LRRC40: variants seen among roughly 807,000 people sequenced by gnomAD.
LRRC40 encodes leucine rich repeat containing 40.
Under a neutral mutation model 72.8 loss-of-function variants are expected in LRRC40, and 76 were observed. That is an observed-to-expected ratio of 1.04 (90% CI 0.87 to 1.26). LRRC40 has a LOEUF of 1.26. LRRC40 is among the 50% of genes most tolerant of loss of function. LRRC40 has a pLI of 0.00. For missense variants in LRRC40, 684 were observed against 698.9 expected (o/e 0.98, Z 0.24); for synonymous variants, 243 against 254.2 (o/e 0.96, Z 0.42).
At chr1:70,186,470 G>T (rs1668361192) in intron 3 of LRRC40, among the ~76,000 whole-genome samples, 1 of 152,144 alleles carries the variant, frequency 6.6e-6, no homozygotes, top group South Asian at 2.1e-4. Flanking sequence ...CACCAAATAA[G>T]GAGTGTTACT....
In LRRC40 at chr1:70,205,389, C is replaced by CG. The variant is rs777781476; in HGVS notation, c.151_151+1insC (p.Val51AlafsTer14). On this transcript the variant is annotated frameshift_variant and splice_region_variant. Coordinates refer to ENST00000370952, the MANE Select transcript of LRRC40 (RefSeq NM_017768.5). LOFTEE classifies it high-confidence loss of function. ...AATAGGGTCGTACCTCTGGGTCTTA[C>CG]CTTCACTGAGGTTTCTACCCGACAG... The CG allele has an allele frequency of 6.3e-7, 1 of 1,585,070 alleles. No individual in the cohort carries two copies. Among genetic ancestry groups the CG allele is most frequent in the South Asian group, 1.1e-5 (1 of 88,300 alleles).
intron 9 of LRRC40, among the ~76,000 whole-genome samples, chr1:70,172,744 T>C (rs1668024417): frequency 1.3e-5 from 2 of 152,162 alleles, no homozygotes; most frequent in Admixed American, 6.5e-5. Context: ...ACAATTATCT[T>C]ACTCATTTAA....
intron 4 of LRRC40, among the ~76,000 whole-genome samples, chr1:70,184,513 A>G (rs906743870): frequency 2.6e-5 from 4 of 152,012 alleles, no homozygotes; most frequent in African/African-American, 9.6e-5. Context: ...CTATTCTGCT[A>G]TGCTGTAAAG....
intron 9 of LRRC40, among the ~76,000 whole-genome samples, chr1:70,163,393 C>G (rs768562553): frequency 2.6e-5 from 4 of 152,130 alleles, no homozygotes; most frequent in Admixed American, 6.5e-5. Context: ...AGCCTGCATT[C>G]CTTTTTCTAA....
chr1:70,192,957 A>G (rs1407134873), intron 1 of LRRC40, among the ~76,000 whole-genome samples: 1 of 152,002 alleles, frequency 6.6e-6, no homozygotes, highest in Non-Finnish European at 1.5e-5. Context: ...GTACCCTTGA[A>G]CCTAAAATAA....
intron 1 of LRRC40, among the ~76,000 whole-genome samples, chr1:70,192,551 C>T (rs989224068): frequency 1.2e-4 from 19 of 152,054 alleles, no homozygotes; most frequent in Non-Finnish European, 2.4e-4. Flanking sequence ...ATTGCAAAAA[C>T]ATGGAATCAA....
intron 14 of LRRC40, 117 bp downstream of exon 14, chr1:70,148,370 A>T: frequency 1.2e-6 from 1 of 814,628 alleles, no homozygotes; most frequent in Non-Finnish European, 1.9e-6. Flanking sequence ...TGTTATTTTT[A>T]ACAGGATATT....
chr1:70,195,820 G>C (rs1036129099), intron 1 of LRRC40, among the ~76,000 whole-genome samples: 3 of 152,098 alleles, frequency 2.0e-5, no homozygotes, highest in Non-Finnish European at 4.4e-5. Context: ...ATTTTTAGTA[G>C]AGGCGGGGTT....
At chr1:70,159,498 C>A (rs533260063) in intron 9 of LRRC40, 60 bp from the exon 10 acceptor site, 6 of 745,986 alleles carry the variant, frequency 8.0e-6, no homozygotes, top group African/African-American at 7.1e-5. Flanking sequence ...TGTTAAAATT[C>A]TTGATAATAT....
intron 9 of LRRC40, among the ~76,000 whole-genome samples, chr1:70,169,665 C>T (rs931415674): frequency 9.2e-5 from 14 of 152,048 alleles, no homozygotes; most frequent in African/African-American, 3.4e-4. Flanking sequence ...CAACTATATG[C>T]CAACAAATTA....
At chr1:70,168,394 T>G (rs1216920582) in intron 9 of LRRC40, among the ~76,000 whole-genome samples, 1 of 152,180 alleles carries the variant, frequency 6.6e-6, no homozygotes, top group East Asian at 1.9e-4. Flanking sequence ...GCTGACTCCT[T>G]CTACTGAGTG....
chr1:70,198,085 C>T (rs1668656163), intron 1 of LRRC40, among the ~76,000 whole-genome samples: 1 of 152,044 alleles, frequency 6.6e-6, no homozygotes, highest in South Asian at 2.1e-4. Context: ...TTTATTCTGT[C>T]CCAACAAACT....
chr1:70,205,578 G>A lies in LRRC40; in HGVS notation c.-38C>T. The A allele has an allele frequency of 6.4e-7, 1 of 1,556,630 alleles. No homozygotes were observed. Among genetic ancestry groups the A allele is most frequent in the Non-Finnish European group, 8.8e-7 (1 of 1,139,436 alleles). ...AGGTCCAGAAGCTGCAGCCCCACCC[G>A]TGACGCTTAAAGGTGGCGCCGTTGG... On this transcript the variant is annotated 5_prime_UTR_variant, in exon 1 of 15. In the 5' UTR this introduces an upstream ATG that the reference lacks. Transcript: ENST00000370952.
Position 70,184,831 on chromosome 1 carries a change from G to C in LRRC40, c.491C>G (p.Thr164Ser). 2 of 1,611,892 alleles carry C rather than the reference G, an allele frequency of 1.2e-6. No homozygotes were observed. Among genetic ancestry groups the C allele is most frequent in the South Asian group, 1.1e-5 (1 of 90,760 alleles). ...TTGTTCAAATCCCTCTGATATGCAG[G>C]TTAATTCATTATGCTGGAGATACAG... ...KCLYLQHNEL[T>S]CISEGFEQLS... Residue 164 changes from threonine to serine, a missense_variant, in exon 4 of 15, where the codon ACC becomes AGC. By Grantham distance (58) the Thr-to-Ser change is moderately conservative. Coordinates refer to ENST00000370952, the MANE Select transcript of LRRC40 (RefSeq NM_017768.5).
intron 1 of LRRC40, among the ~76,000 whole-genome samples, chr1:70,203,964 C>A (rs1014520987): frequency 2.6e-5 from 4 of 152,156 alleles, no homozygotes; most frequent in African/African-American, 7.2e-5. Context: ...TCTTTCCCTC[C>A]TATGAAATGC....
intron 14 of LRRC40, 103 bp downstream of exon 14, chr1:70,148,384 T>TC: frequency 1.1e-6 from 1 of 927,982 alleles, no homozygotes; most frequent in Non-Finnish European, 1.6e-6. Flanking sequence ...GGATATTAAA[T>TC]CTGTTACTTT....
intron 9 of LRRC40, among the ~76,000 whole-genome samples, chr1:70,165,556 A>C (rs1667863255): frequency 6.6e-6 from 1 of 152,002 alleles, no homozygotes; most frequent in Non-Finnish European, 1.5e-5. Context: ...TTTTTATCTC[A>C]TTTTACCAGC....
intron 9 of LRRC40, among the ~76,000 whole-genome samples, chr1:70,167,205 C>T (rs528604822): frequency 2.0e-4 from 29 of 147,862 alleles, no homozygotes; most frequent in Middle Eastern, 3.4e-3. Context: ...TAATCTGCTC[C>T]GCAGAAAAGC....
chr1:70,184,654 AT>A, intron 4 of LRRC40, 130 bp downstream of exon 4: 1 of 882,200 alleles, frequency 1.1e-6, no homozygotes, highest in South Asian at 2.1e-5. Flanking sequence ...TGAAATGCAC[AT>A]TTCTGATAAT....
Sources: gnomAD v4.1 joint callset for allele counts (sites outside exome capture counted in the v4.1 genomes callset) on GRCh38, gnomAD v4.1.1 for gene constraint, MANE v1.5 for transcripts, NCBI Gene and HGNC (gene_info 2026-07-23, HGNC 2026-07-21) for gene names.